The following TIAM1 variants were observed in gnomAD, a reference collection of about 807,000 sequenced individuals.
The protein encoded by TIAM1 is TIAM Rac1 associated GEF 1.
A neutral mutation model predicts 163.5 loss-of-function variants in TIAM1; 65 were observed. The observed-to-expected ratio is 0.40, with a 90% CI of 0.33 to 0.49. The LOEUF is 0.49. Among genes scored for constraint, TIAM1 ranks in the 20% least tolerant of loss-of-function variants. The pLI is 0.77. For synonymous variants in TIAM1, 833 were observed against 810.1 expected (o/e 1.03, Z -0.48); for missense variants, 1,789 against 2,044.7 (o/e 0.87, Z 2.41).
intron 2 of TIAM1, among the ~76,000 whole-genome samples, chr21:31,285,783 C>T (rs2073784842): frequency 6.6e-6 from 1 of 152,166 alleles, no homozygotes; most frequent in Non-Finnish European, 1.5e-5. Flanking sequence ...ATCGCTTGAA[C>T]CCAGGAGGTG....
chr21:31,287,793 G>T (rs1057288187), intron 2 of TIAM1, among the ~76,000 whole-genome samples: 1 of 152,182 alleles, frequency 6.6e-6, no homozygotes, highest in Non-Finnish European at 1.5e-5. Context: ...GAACATGATT[G>T]TATTTGATGG....
At chr21:31,531,328 T>A (rs975677700) in intron 1 of TIAM1, among the ~76,000 whole-genome samples, 5 of 152,184 alleles carry the variant, frequency 3.3e-5, no homozygotes, top group Admixed American at 2.0e-4. Flanking sequence ...AAGGCAGGTC[T>A]ATGCTGTGAG....
At chr21:31,458,648 G>A (rs572615735) in intron 2 of TIAM1, among the ~76,000 whole-genome samples, 22 of 152,098 alleles carry the variant, frequency 1.4e-4, no homozygotes, top group Non-Finnish European at 3.1e-4. Context: ...CTGCATCCTT[G>A]GGAACCCTTT....
chr21:31,250,136 AC>A (rs1439770535), intron 5 of TIAM1, among the ~76,000 whole-genome samples: 1 of 143,100 alleles, frequency 7.0e-6, no homozygotes, highest in Non-Finnish European at 1.5e-5. Context: ...ACAGAGTGAG[AC>A]CCTGTCTCAA....
At chr21:31,135,856 C>T in intron 23 of TIAM1, 77 bp downstream of exon 23, 1 of 1,371,800 alleles carries the variant, frequency 7.3e-7, no homozygotes, top group Non-Finnish European at 1.0e-6. Context: ...TCAATTGGGT[C>T]TTGAAAAAGA....
At position 31,130,407 on chromosome 21, in the gene TIAM1, G is replaced by A. The variant is rs77542358; in HGVS notation, c.3943-92C>T. On this transcript the variant is annotated intron_variant, in intron 24 of 27. Transcript: ENST00000541036. ...TTCTAAACCAGCGACAGACTCTCAC[G>A]CAGTAACTCTAGGCGTGCCCAAAGG... is the stretch of plus-strand genomic sequence containing the variant. The A allele has an allele frequency of 8.3e-4, 842 of 1,018,510 alleles. 1 individual carries two copies. The African/African-American group carries it at 0.012, about 14-fold the overall frequency. 63.1% of individuals were successfully genotyped at this position (1,018,510 alleles called of 1,614,324 possible). A position where few individuals can be genotyped will look rare whatever the true frequency, so the allele number is the denominator to read the frequency against.
At chr21:31,466,030 C>G (rs1165138218) in intron 1 of TIAM1, among the ~76,000 whole-genome samples, 2 of 152,112 alleles carry the variant, frequency 1.3e-5, no homozygotes, top group African/African-American at 4.8e-5. Flanking sequence ...GATATTCAGG[C>G]GAGGTTGAAC....
intron 1 of TIAM1, among the ~76,000 whole-genome samples, chr21:31,553,076 T>TA (rs2048747167): frequency 6.6e-6 from 1 of 152,176 alleles, no homozygotes; most frequent in African/African-American, 2.4e-5. Context: ...CAGTACTAGA[T>TA]AGAGTTATTT....
chr21:31,287,038 A>G (rs943820366), intron 2 of TIAM1, among the ~76,000 whole-genome samples: 1 of 152,244 alleles, frequency 6.6e-6, no homozygotes, highest in Non-Finnish European at 1.5e-5. Flanking sequence ...ATGTAAAAAC[A>G]TAATTCTTTA....
chr21:31,265,782 C>A (rs146240819), intron 4 of TIAM1, among the ~76,000 whole-genome samples: 167 of 152,264 alleles, frequency 1.1e-3, no homozygotes, highest in African/African-American at 3.8e-3. Flanking sequence ...TATCACATCG[C>A]CACTCCCCCC....
intron 19 of TIAM1, among the ~76,000 whole-genome samples, chr21:31,151,337 A>G (rs1403920172): frequency 1.3e-5 from 2 of 152,210 alleles, no homozygotes; most frequent in Non-Finnish European, 2.9e-5. Flanking sequence ...AGGTGAATGG[A>G]TAACAAAGTG....
Position 31,467,424 on chromosome 21 carries a change from G to C in TIAM1, c.-421-3389C>G, listed in dbSNP as rs566135105. Among the ~76,000 whole-genome samples, 242 of 152,148 alleles carry C rather than the reference G, an allele frequency of 1.6e-3. 2 individuals are homozygous for C. The highest frequency in any genetic ancestry group is 5.5e-3 in the African/African-American group (230 of 41,524). On this transcript the variant is annotated intron_variant, in intron 1 of 28. Transcript: ENST00000286827. ...GAGGTGGGCAGGTAATGAGGAGTTC[G>C]AGACCAGCCTAGCCAATATGGTGAA...
At chr21:31,235,744 C>T (rs758535432) in intron 6 of TIAM1, among the ~76,000 whole-genome samples, 13 of 152,150 alleles carry the variant, frequency 8.5e-5, no homozygotes, top group Non-Finnish European at 2.9e-5. Flanking sequence ...AGGAAGAATA[C>T]AGTTAGTAAC....
chr21:31,142,996 G>T (rs924905188), intron 20 of TIAM1, among the ~76,000 whole-genome samples: 1 of 152,176 alleles, frequency 6.6e-6, no homozygotes, highest in Admixed American at 6.5e-5. Flanking sequence ...ATGGGAAGAG[G>T]AGGGGACAGT....
chr21:31,333,485 C>T (rs577924992), intron 2 of TIAM1, among the ~76,000 whole-genome samples: 11 of 152,218 alleles, frequency 7.2e-5, no homozygotes, highest in African/African-American at 2.4e-4. Flanking sequence ...TCTCCCAGGC[C>T]GGAGTGCAGT....
At chr21:31,436,245 C>T (rs886666505) in intron 2 of TIAM1, among the ~76,000 whole-genome samples, 4 of 152,208 alleles carry the variant, frequency 2.6e-5, no homozygotes, top group African/African-American at 9.6e-5. Context: ...GTAATATACA[C>T]GTCATTCAAT....
intron 1 of TIAM1, among the ~76,000 whole-genome samples, chr21:31,551,860 T>C (rs958178930): frequency 6.6e-6 from 1 of 152,146 alleles, no homozygotes; most frequent in African/African-American, 2.4e-5. Flanking sequence ...ATTCATACTA[T>C]TTAGAGATAT....
intron 1 of TIAM1, among the ~76,000 whole-genome samples, chr21:31,483,599 T>C (rs1327958345): frequency 6.6e-6 from 1 of 152,102 alleles, no homozygotes. Flanking sequence ...TGGTTTTATA[T>C]GCAGGACAGG....
At chr21:31,536,341 A>T (rs1054498158) in intron 1 of TIAM1, among the ~76,000 whole-genome samples, 1 of 152,210 alleles carries the variant, frequency 6.6e-6, no homozygotes, top group African/African-American at 2.4e-5. Context: ...CTGTGAGATG[A>T]CTGCCCTTAC....
Sources: gnomAD v4.1 joint callset for allele counts (sites outside exome capture counted in the v4.1 genomes callset) on GRCh38, gnomAD v4.1.1 for gene constraint, MANE v1.5 for transcripts, NCBI Gene and HGNC (gene_info 2026-07-23, HGNC 2026-07-21) for gene names.